Variants in HDX observed in about 807,000 individuals in gnomAD.
HDX encodes the protein highly divergent homeobox.
A neutral mutation model predicts 45.2 loss-of-function variants in HDX; 19 were observed. That is an observed-to-expected ratio of 0.42 (90% confidence interval 0.29 to 0.62). HDX has a LOEUF of 0.62. Among genes scored for constraint, HDX ranks in the 20% least tolerant of loss-of-function variants. The pLI, the probability that HDX is intolerant of heterozygous loss-of-function variation, is 0.20. For synonymous variants in HDX, 188 were observed against 172.8 expected (o/e 1.09, Z -0.69); for missense variants, 532 against 493.9 (o/e 1.08, Z -0.73).
At chrX:84,418,214 A>G (rs1361430231) in intron 5 of HDX, among the ~76,000 whole-genome samples, 1 of 111,949 alleles carries the variant, frequency 8.9e-6, no homozygotes, top group African/African-American at 3.2e-5. Context: ...GAAAAGTTAC[A>G]CAATCAAATG....
chrX:84,454,526 G>C (rs1271559362), intron 4 of HDX, among the ~76,000 whole-genome samples: 1 of 111,221 alleles, frequency 9.0e-6, no homozygotes, highest in Non-Finnish European at 1.9e-5. Flanking sequence ...ACAGGACTTT[G>C]TCTTGTGGCT....
chrX:84,373,249 T>A (rs1246058303), intron 5 of HDX, among the ~76,000 whole-genome samples: 1 of 111,228 alleles, frequency 9.0e-6, no homozygotes, highest in African/African-American at 3.3e-5. Context: ...TGATAGGAAA[T>A]GTTGCCCCAA....
intron 5 of HDX, among the ~76,000 whole-genome samples, chrX:84,435,148 T>C (rs1000742167): frequency 5.4e-5 from 6 of 111,373 alleles, no homozygotes; most frequent in African/African-American, 2.0e-4. Flanking sequence ...TTTTTTAGTT[T>C]CCATTTCATT....
intron 1 of HDX, among the ~76,000 whole-genome samples, chrX:84,497,695 G>C (rs1374906259): frequency 5.7e-5 from 6 of 104,905 alleles, no homozygotes; most frequent in Admixed American, 5.0e-4. Flanking sequence ...ATATGACTGT[G>C]TGTGTGTGTG....
At chrX:84,498,140 A>G (rs2041047366) in intron 1 of HDX, among the ~76,000 whole-genome samples, 1 of 111,588 alleles carries the variant, frequency 9.0e-6, no homozygotes, top group Admixed American at 9.5e-5. Context: ...ACCTTTTGTG[A>G]AACAAAAGGT....
chrX:84,361,154 A>G (rs1456571500), intron 6 of HDX, among the ~76,000 whole-genome samples: 2 of 111,996 alleles, frequency 1.8e-5, no homozygotes, highest in South Asian at 3.7e-4. Context: ...TTCCATAATG[A>G]CTAATGATGT....
chrX:84,483,476 T>G (rs768049670), intron 2 of HDX, among the ~76,000 whole-genome samples: 57 of 112,675 alleles, frequency 5.1e-4, no homozygotes, highest in Admixed American at 9.3e-4. Context: ...TGCAATGGCC[T>G]GAGCTGTATG....
At chrX:84,475,192 A>T in intron 3 of HDX, 59 bp downstream of exon 3, 1 of 1,001,655 alleles carries the variant, frequency 1.0e-6, no homozygotes, top group Non-Finnish European at 1.4e-6. Context: ...TTCTCATATT[A>T]AGCAAATATC....
At chrX:84,349,893 T>C (rs759559710) in intron 6 of HDX, among the ~76,000 whole-genome samples, 1 of 109,483 alleles carries the variant, frequency 9.1e-6, no homozygotes, top group Non-Finnish European at 1.9e-5. Context: ...AGTGGAATAA[T>C]AGACAATGAA....
At chrX:84,431,292 A>C (rs2039500071) in intron 5 of HDX, among the ~76,000 whole-genome samples, 1 of 111,030 alleles carries the variant, frequency 9.0e-6, no homozygotes, top group Admixed American at 9.6e-5. Flanking sequence ...TGCTATTGTG[A>C]ATAGTGCTGT....
chrX:84,351,825 GAGA>G (rs1455825510), intron 6 of HDX, among the ~76,000 whole-genome samples: 1 of 111,522 alleles, frequency 9.0e-6, no homozygotes, highest in African/African-American at 3.3e-5. Context: ...TCTACTTAAT[GAGA>G]AGAATAGGGA....
intron 4 of HDX, among the ~76,000 whole-genome samples, chrX:84,456,751 T>C (rs894454775): frequency 7.2e-5 from 8 of 111,157 alleles, no homozygotes; most frequent in African/African-American, 2.3e-4. Flanking sequence ...CAAAATAGAT[T>C]TGAAGACAAA....
At chrX:84,369,096 C>A (rs761586561) in intron 5 of HDX, among the ~76,000 whole-genome samples, 1 of 110,971 alleles carries the variant, frequency 9.0e-6, no homozygotes, top group Non-Finnish European at 1.9e-5. Flanking sequence ...CCAAACCCCA[C>A]GCAATGACCA....
chrX:84,426,091 C>A (rs1158321457), intron 5 of HDX, among the ~76,000 whole-genome samples: 1 of 110,082 alleles, frequency 9.1e-6, no homozygotes, highest in African/African-American at 3.3e-5. Context: ...ATATATACAC[C>A]TACTATGCAC....
At chrX:84,341,715 G>GTT (rs748652418) in intron 7 of HDX, among the ~76,000 whole-genome samples, 4 of 96,035 alleles carry the variant, frequency 4.2e-5, no homozygotes, top group African/African-American at 1.2e-4. Flanking sequence ...CTCCTTATTT[G>GTT]TTTTTTTTTT....
Position 84,468,598 on chromosome X carries a change from T to C in HDX, c.1125A>G (p.Pro375=). ...LYQNRNYHLT[P]RTSLHTASST... ...TAGATGCTGTATGTAATGAGGTCCG[T>C]GGTGTCAAATGGTAGTTTCTGTTTT... The change falls in exon 4 of 11, where the codon CCA becomes CCG. Residue 375 remains proline (P), a synonymous_variant. Transcript: ENST00000373177. 8.3e-7 allele frequency: 1 copy of C among 1,201,320 alleles called. No homozygotes were observed. Among genetic ancestry groups the C allele is most frequent in the South Asian group, 1.8e-5 (1 of 56,723 alleles).
intron 5 of HDX, among the ~76,000 whole-genome samples, chrX:84,423,562 C>T (rs1218811582): frequency 9.4e-6 from 1 of 106,828 alleles, no homozygotes; most frequent in Non-Finnish European, 1.9e-5. Context: ...AAAAAATTTT[C>T]AGCAAAACAC....
Position 84,436,873 on chromosome X carries a change from G to A in HDX, c.1305+3659C>T, listed in dbSNP as rs181019585. Among the ~76,000 whole-genome samples, 100 of 109,184 alleles carry A rather than the reference G, an allele frequency of 9.2e-4. 1 individual carries two copies. Among genetic ancestry groups the A allele is most frequent in the Admixed American group, 3.5e-3 (35 of 10,120 alleles). 94.8% of individuals were successfully genotyped at this position (109,184 alleles called of 115,157 possible). A position where few individuals can be genotyped will look rare whatever the true frequency, so the allele number is the denominator to read the frequency against. ...CCATGGTGCAGTTTAAATGCATTGCGTGTTTTTGTTGTTGTTGTTGTTAAT... is the reference window on the plus strand; with the variant it reads ...CCATGGTGCAGTTTAAATGCATTGCATGTTTTTGTTGTTGTTGTTGTTAAT... On this transcript the variant is annotated intron_variant, in intron 5 of 10. Coordinates refer to ENST00000373177, the MANE Select transcript of HDX (RefSeq NM_001177479.2).
intron 5 of HDX, among the ~76,000 whole-genome samples, chrX:84,368,492 A>G (rs1459476264): frequency 8.9e-6 from 1 of 111,979 alleles, no homozygotes; most frequent in Non-Finnish European, 1.9e-5. Flanking sequence ...TGTTAACTAT[A>G]TGAGGTGCAA....
Sources: gnomAD v4.1 joint callset for allele counts (sites outside exome capture counted in the v4.1 genomes callset) on GRCh38, gnomAD v4.1.1 for gene constraint, MANE v1.5 for transcripts, NCBI Gene and HGNC (gene_info 2026-07-23, HGNC 2026-07-21) for gene names.